TMEM170A: variants seen among roughly 807,000 people sequenced by gnomAD.
TMEM170A encodes transmembrane protein 170.
In TMEM170A, 18 loss-of-function variants were observed where a neutral mutation model predicts 12.8. The ratio of observed to expected loss-of-function variants is 1.41; its 90% CI spans 0.97 to 2.09. TMEM170A has a LOEUF of 2.09. TMEM170A is among the 30% of genes most tolerant of loss of function. The pLI, the probability that TMEM170A is intolerant of heterozygous loss-of-function variation, is 0.00. For synonymous variants in TMEM170A, 107 were observed against 76.2 expected, an observed-to-expected ratio of 1.40 and a Z score of -2.11; for missense variants, 220 against 179.9, an observed-to-expected ratio of 1.22 and a Z score of -1.28.
chr16:75,452,350 C>T (rs2079704578), intron 1 of TMEM170A, among the ~76,000 whole-genome samples: 1 of 152,146 alleles, frequency 6.6e-6, no homozygotes, highest in Non-Finnish European at 1.5e-5. Flanking sequence ...CTCACTGCAG[C>T]CTTGACCTCC....
At chr16:75,464,304 T>TG in intron 1 of TMEM170A, 164 bp downstream of exon 1, 1 of 1,476,440 alleles carries the variant, frequency 6.8e-7, no homozygotes, top group Non-Finnish European at 8.9e-7. Flanking sequence ...GAAGAAGTGA[T>TG]GGGGAAAGGG....
chr16:75,464,037 A>C (rs1434055040), intron 1 of TMEM170A, among the ~76,000 whole-genome samples: 1 of 152,106 alleles, frequency 6.6e-6, no homozygotes, highest in African/African-American at 2.4e-5. Flanking sequence ...GGGGAGCGCG[A>C]GCTCTGACTC....
intron 1 of TMEM170A, among the ~76,000 whole-genome samples, chr16:75,460,455 T>C (rs2151649122): frequency 6.6e-6 from 1 of 152,286 alleles, no homozygotes; most frequent in African/African-American, 2.4e-5. Context: ...TCAGTGTTTC[T>C]TCTGCAAGCT....
rs2079531675 is a variant in TMEM170A at position 75,443,265 on chromosome 16, T to C, written c.*4293A>G. 1 of 152,220 alleles carries C rather than the reference T, an allele frequency of 6.6e-6. No homozygotes were observed. The highest frequency in any genetic ancestry group is 6.5e-5 in the Admixed American group (1 of 15,276). The allele number at this position is 152,220 out of a possible 1,614,324, so 9.4% of individuals were successfully genotyped here. A position where few individuals can be genotyped will look rare whatever the true frequency, so the allele number is the denominator to read the frequency against. On this transcript the variant is annotated 3_prime_UTR_variant, in exon 3 of 3. Coordinates refer to ENST00000561878, the MANE Select transcript of TMEM170A (RefSeq NM_145254.3). ...AGAATTGAAAGTAATTTTTTATTGA[T>C]AAACATTTACACTAGAATTAGAAAT...
At chr16:75,456,785 C>T (rs1383364819) in intron 1 of TMEM170A, among the ~76,000 whole-genome samples, 2 of 152,196 alleles carry the variant, frequency 1.3e-5, no homozygotes, top group Non-Finnish European at 2.9e-5. Context: ...TCTCTCCTGC[C>T]TGGGCAGCTA....
At position 75,446,183 on chromosome 16, in the gene TMEM170A, G is replaced by GAAA. The variant is rs5817946; in HGVS notation, c.*1372_*1374dup. The GAAA allele has an allele frequency of 7.1e-6, 1 of 140,658 alleles. No individual in the cohort carries two copies. The highest frequency in any genetic ancestry group is 7.2e-5 in the Admixed American group (1 of 13,864). 8.7% of individuals were successfully genotyped at this position (140,658 alleles called of 1,614,324 possible). ...CAGTGAGGCTCCGTCTCATTTAAAA[G>GAAA]AAAAAAAAAAAAAAAAGTCAGATTT... is the stretch of plus-strand genomic sequence containing the variant. On this transcript the variant is annotated 3_prime_UTR_variant, in exon 3 of 3. Transcript: ENST00000561878.
At position 75,445,827 on chromosome 16, in the gene TMEM170A, A is replaced by G. The variant is rs1200851754; in HGVS notation, c.*1731T>C. 1 of 152,026 alleles carries G rather than the reference A, an allele frequency of 6.6e-6. No individual in the cohort carries two copies. Among genetic ancestry groups the G allele is most frequent in the African/African-American group, 2.4e-5 (1 of 41,374 alleles). 9.4% of individuals were successfully genotyped at this position (152,026 alleles called of 1,614,324 possible). A position where few individuals can be genotyped will look rare whatever the true frequency, so the allele number is the denominator to read the frequency against. On this transcript the variant is annotated 3_prime_UTR_variant, in exon 3 of 3. Coordinates refer to ENST00000561878, the MANE Select transcript of TMEM170A (RefSeq NM_145254.3). The stretch of plus-strand genomic sequence containing the variant: ...AAATGGAATAGATACGTTCATGTGT[A>G]TATGACCTCATGGGCTGTTAAGCCT...
chr16:75,452,033 G>A (rs976811132), intron 1 of TMEM170A, among the ~76,000 whole-genome samples, 194 bp from the exon 2 acceptor site: 2 of 151,578 alleles, frequency 1.3e-5, no homozygotes, highest in African/African-American at 4.9e-5. Flanking sequence ...GTACAGTGGC[G>A]TGATCTCGGC....
chr16:75,447,403 A>G lies in TMEM170A; in HGVS notation c.*155T>C. 2.5e-6 allele frequency: 2 copies of G among 795,132 alleles called. No homozygotes were observed. Among genetic ancestry groups the G allele is most frequent in the South Asian group, 6.9e-5 (2 of 29,028 alleles). The allele number at this position is 795,132 out of a possible 1,614,324, so 49.3% of individuals were successfully genotyped here. On this transcript the variant is annotated 3_prime_UTR_variant, in exon 3 of 3. Coordinates refer to ENST00000561878, the MANE Select transcript of TMEM170A (RefSeq NM_145254.3). Reference sequence around the variant, plus strand: ...ATAAGTCTTCAATTCTAGGAGCTTCAAAATGAAGAAAAGGCTGAGATGTGT... The same window carrying G: ...ATAAGTCTTCAATTCTAGGAGCTTCGAAATGAAGAAAAGGCTGAGATGTGT...
intron 2 of TMEM170A, among the ~76,000 whole-genome samples, chr16:75,448,774 A>G (rs1331191399): frequency 6.6e-6 from 1 of 151,526 alleles, no homozygotes; most frequent in Non-Finnish European, 1.5e-5. Flanking sequence ...AAAAAAAAAA[A>G]GAACCGGCCA....
In TMEM170A at chr16:75,443,141, A is replaced by T. The variant is rs181483130; in HGVS notation, c.*4417T>A. The T allele has an allele frequency of 7.0e-4, 106 of 152,356 alleles. No individual in the cohort carries two copies. Among genetic ancestry groups the T allele is most frequent in the African/African-American group, 2.5e-3 (105 of 41,584 alleles). 9.4% of individuals were successfully genotyped at this position (152,356 alleles called of 1,614,324 possible). A position where few individuals can be genotyped will look rare whatever the true frequency, so the allele number is the denominator to read the frequency against. On this transcript the variant is annotated 3_prime_UTR_variant, in exon 3 of 3. Transcript: ENST00000561878. Reference sequence around the variant, plus strand: ...AAGTAGAACATAAAAAAAGTTACACATGCTAGATATTAAGTTATTTAAAAA... The same window carrying T: ...AAGTAGAACATAAAAAAAGTTACACTTGCTAGATATTAAGTTATTTAAAAA...
chr16:75,451,878 C>T, intron 1 of TMEM170A, 39 bp from the exon 2 acceptor site: 8 of 1,549,916 alleles, frequency 5.2e-6, no homozygotes, highest in Non-Finnish European at 6.2e-6. Context: ...AATCACTGCC[C>T]TTCCCAGGAC....
Position 75,464,581 on chromosome 16 carries a change from C to A in TMEM170A, c.20G>T (p.Gly7Val). 6.3e-7 allele frequency: 1 copy of A among 1,587,240 alleles called. No homozygotes were observed. The highest frequency in any genetic ancestry group is 8.6e-7 in the Non-Finnish European group (1 of 1,169,534). Residue 7 changes from glycine (G) to valine (V), a missense_variant, in exon 1 of 3, where the codon GGC becomes GTC. Physicochemically the swap from Gly to Val is moderately radical, Grantham distance 109. Coordinates refer to ENST00000561878, the MANE Select transcript of TMEM170A (RefSeq NM_145254.3). ...GAGCCCGGCCGACCCGCCGCTGCCG[C>A]CGCTCCCCTCGCGCTCCATCCCGTC... The part of the protein sequence containing the change: MEREGS[G>V]GSGGSAGLLQ...
intron 1 of TMEM170A, among the ~76,000 whole-genome samples, chr16:75,461,439 G>A (rs1188755108): frequency 6.6e-6 from 1 of 152,300 alleles, no homozygotes. Flanking sequence ...AATCAATTCA[G>A]TACTTCCTGG....
chr16:75,455,350 C>CT (rs1427269897), intron 1 of TMEM170A, among the ~76,000 whole-genome samples: 3 of 79,594 alleles, frequency 3.8e-5, no homozygotes, highest in African/African-American at 1.5e-4. Context: ...GAGCGAGACA[C>CT]TGTCTCAAAA....
At chr16:75,448,549 G>T (rs1270670585) in intron 2 of TMEM170A, among the ~76,000 whole-genome samples, 2 of 152,130 alleles carry the variant, frequency 1.3e-5, no homozygotes, top group East Asian at 1.9e-4. Flanking sequence ...GATCATCTGA[G>T]CTCAGGAGTT....
intron 1 of TMEM170A, among the ~76,000 whole-genome samples, chr16:75,459,400 C>G (rs17696831): frequency 0.56 from 85,233 of 152,058 alleles, 25,047 homozygotes; most frequent in Admixed American, 0.69. Flanking sequence ...GCAATGCAAA[C>G]AACCTGAGCC....
chr16:75,456,517 G>C (rs1332941962), intron 1 of TMEM170A, among the ~76,000 whole-genome samples: 2 of 152,138 alleles, frequency 1.3e-5, no homozygotes, highest in East Asian at 1.9e-4. Flanking sequence ...GTCAGCCTTA[G>C]TCAATAGTGT....
In TMEM170A at chr16:75,444,191, G is replaced by A. The variant is rs149281505; in HGVS notation, c.*3367C>T. The A allele has an allele frequency of 0.014, 2,188 of 152,146 alleles. 18 individuals carry two copies. The highest frequency in any genetic ancestry group is 0.023 in the Non-Finnish European group (1,579 of 68,032). 9.4% of individuals were successfully genotyped at this position (152,146 alleles called of 1,614,324 possible). A position where few individuals can be genotyped will look rare whatever the true frequency, so the allele number is the denominator to read the frequency against. ...TTTTTTAAAAAACAAAGCAGAGGCC[G>A]GGTGTGGTGGCTCATGCCTGTAATC... On this transcript the variant is annotated 3_prime_UTR_variant, in exon 3 of 3. Coordinates refer to ENST00000561878, the MANE Select transcript of TMEM170A (RefSeq NM_145254.3).
Sources: allele counts gnomAD v4.1 joint callset (sites outside exome capture counted in the v4.1 genomes callset), GRCh38; gene constraint gnomAD v4.1.1; transcripts MANE v1.5; gene names NCBI Gene and HGNC (gene_info 2026-07-23, HGNC 2026-07-21).